The following BABAM2 variants were observed in gnomAD, a reference collection of about 807,000 sequenced individuals.
BABAM2 encodes BRISC and BRCA1-A complex member 2.
Under a neutral mutation model 54.7 loss-of-function variants are expected in BABAM2, and 31 were observed. That is an observed-to-expected ratio of 0.57 (90% confidence interval 0.43 to 0.77). BABAM2 has a LOEUF of 0.77. BABAM2 is among the 30% of genes least tolerant of loss of function. The pLI, the probability that BABAM2 is intolerant of heterozygous loss-of-function variation, is 0.00. For missense variants in BABAM2, 364 were observed against 455.8 expected (o/e 0.80, Z 1.83); for synonymous variants, 167 against 162.9 (o/e 1.03, Z -0.19).
chr2:28,085,025 C>T (rs748696166), intron 6 of BABAM2, among the ~76,000 whole-genome samples: 39 of 152,182 alleles, frequency 2.6e-4, no homozygotes, highest in South Asian at 1.0e-3. Flanking sequence ...TGAAGGGTAA[C>T]AGTACTAGAA....
At chr2:28,267,424 G>GAC (rs1050541833) in intron 10 of BABAM2, among the ~76,000 whole-genome samples, 26 of 146,686 alleles carry the variant, frequency 1.8e-4, no homozygotes, top group African/African-American at 4.4e-4. Flanking sequence ...ACACTGACTA[G>GAC]ACACACACAC....
chr2:28,092,848 G>T (rs1389379787), intron 6 of BABAM2, among the ~76,000 whole-genome samples: 1 of 151,140 alleles, frequency 6.6e-6, no homozygotes, highest in Non-Finnish European at 1.5e-5. Flanking sequence ...GCTCTTACAG[G>T]GTCAAGATCA....
intron 7 of BABAM2, among the ~76,000 whole-genome samples, chr2:28,232,797 G>C (rs1573895658): frequency 6.6e-6 from 1 of 152,350 alleles, no homozygotes; most frequent in East Asian, 1.9e-4. Flanking sequence ...CTGCATGAGA[G>C]ATGTGATAAT....
At chr2:28,052,310 CAG>C (rs1308840929) in intron 6 of BABAM2, among the ~76,000 whole-genome samples, 1 of 138,918 alleles carries the variant, frequency 7.2e-6, no homozygotes, top group Non-Finnish European at 1.5e-5. Context: ...TTCCAATAGA[CAG>C]AGTCTTGCTC....
At chr2:28,194,921 C>T (rs532018380) in intron 7 of BABAM2, among the ~76,000 whole-genome samples, 15 of 152,278 alleles carry the variant, frequency 9.9e-5, no homozygotes, top group African/African-American at 3.4e-4. Context: ...GTCTTGAATT[C>T]CTGGCATCAC....
At chr2:28,040,647 C>G (rs1263150282) in intron 5 of BABAM2, among the ~76,000 whole-genome samples, 5 of 152,138 alleles carry the variant, frequency 3.3e-5, no homozygotes, top group Non-Finnish European at 7.4e-5. Flanking sequence ...CCAGTGCTGT[C>G]AGAAACAAGT....
At position 28,338,564 on chromosome 2, in the gene BABAM2, G is replaced by A; in HGVS notation, c.*51G>A. On this transcript the variant is annotated 3_prime_UTR_variant, in exon 12 of 12. Transcript: ENST00000379624. The stretch of plus-strand genomic sequence containing the variant: ...AGCCAGACTGCCTGTCCACATGCGT[G>A]TCAGCACATACAGCCGCTTCCTGGA... 1.9e-6 allele frequency: 3 copies of A among 1,596,796 alleles called. No homozygotes were observed. Among genetic ancestry groups the A allele is most frequent in the Non-Finnish European group, 2.6e-6 (3 of 1,164,720 alleles).
chr2:28,180,705 A>G (rs1675528189), intron 7 of BABAM2, among the ~76,000 whole-genome samples: 1 of 152,156 alleles, frequency 6.6e-6, no homozygotes, highest in Admixed American at 6.5e-5. Context: ...GAAAACATTG[A>G]CAAACTATTC....
At chr2:28,196,722 G>T (rs1677596321) in intron 7 of BABAM2, among the ~76,000 whole-genome samples, 1 of 151,582 alleles carries the variant, frequency 6.6e-6, no homozygotes, top group South Asian at 2.1e-4. Flanking sequence ...GATGGCTTGT[G>T]CCTGTAGTCC....
chr2:28,183,760 C>T (rs1675919582), intron 7 of BABAM2, among the ~76,000 whole-genome samples: 1 of 152,048 alleles, frequency 6.6e-6, no homozygotes, highest in Non-Finnish European at 1.5e-5. Context: ...CACACACACA[C>T]ACACACACAC....
intron 7 of BABAM2, among the ~76,000 whole-genome samples, chr2:28,208,461 A>G (rs1203002839): frequency 8.5e-5 from 13 of 152,210 alleles, no homozygotes; most frequent in Admixed American, 7.2e-4. Context: ...ACCCAGCCTG[A>G]TGGGACTGCC....
rs1456502612 is a variant in BABAM2 at position 28,026,864 on chromosome 2, AT to A, written c.495+1445del. ...TATAAATATATATTTATATATATAG[AT>A]ATATATATTTATATATATATAGATA... On this transcript the variant is annotated intron_variant, in intron 5 of 11. Transcript: ENST00000379624. Among the ~76,000 whole-genome samples, 294 of 77,792 alleles carry A rather than the reference AT, an allele frequency of 3.8e-3. 18 individuals carry two copies. The East Asian group carries it at 0.063, about 17-fold the overall frequency. The allele number at this position is 77,792 out of a possible 152,430, so 51.0% of individuals were successfully genotyped here. A position where few individuals can be genotyped will look rare whatever the true frequency, so the allele number is the denominator to read the frequency against.
chr2:28,286,193 A>G (rs1185707064), intron 10 of BABAM2, among the ~76,000 whole-genome samples: 3 of 151,970 alleles, frequency 2.0e-5, no homozygotes, highest in African/African-American at 7.2e-5. Context: ...TGACCTCGTG[A>G]TCCACCCATC....
intron 6 of BABAM2, among the ~76,000 whole-genome samples, chr2:28,096,393 C>T (rs1251338623): frequency 2.7e-5 from 4 of 148,958 alleles, no homozygotes; most frequent in Non-Finnish European, 5.9e-5. Flanking sequence ...AAAAAAAAAC[C>T]ATATTAAGCT....
Position 28,025,372 on chromosome 2 carries a change from A to G in BABAM2, c.447A>G (p.Pro149=), listed in dbSNP as rs753597798. The G allele has an allele frequency of 1.1e-5, 18 of 1,607,206 alleles. No homozygotes were observed. Among genetic ancestry groups the G allele is most frequent in the Middle Eastern group, 1.7e-4 (1 of 6,046 alleles). ...AATACCAGACATTACTGGAGGAGCC[A>G]CAGTATGGAGAGAACATGGAAATTT... The part of the protein sequence containing the change: ...MFEYQTLLEE[P]QYGENMEIYA... Residue 149 remains proline, a synonymous_variant, in exon 5 of 12, where the codon CCA becomes CCG. Transcript: ENST00000379624.
chr2:27,913,762 A>G (rs1666772867), intron 2 of BABAM2, among the ~76,000 whole-genome samples: 1 of 152,182 alleles, frequency 6.6e-6, no homozygotes. Flanking sequence ...ATTTCTGTAC[A>G]TTTTAAAGAT....
At chr2:28,248,657 C>T (rs1416472143) in intron 10 of BABAM2, among the ~76,000 whole-genome samples, 1 of 152,162 alleles carries the variant, frequency 6.6e-6, no homozygotes, top group Non-Finnish European at 1.5e-5. Context: ...AAGGAGGCAG[C>T]TGTCTACAGG....
intron 2 of BABAM2, among the ~76,000 whole-genome samples, chr2:27,911,247 A>G (rs1239743743): frequency 6.6e-6 from 1 of 152,220 alleles, no homozygotes; most frequent in Admixed American, 6.5e-5. Context: ...GAATAGTGCC[A>G]TTTTGAATAG....
chr2:28,081,961 C>T (rs769175817), intron 6 of BABAM2, among the ~76,000 whole-genome samples: 2 of 152,078 alleles, frequency 1.3e-5, no homozygotes, highest in Non-Finnish European at 2.9e-5. Flanking sequence ...ATGTGCAATG[C>T]ATTTTGTGCT....
Sources: allele counts gnomAD v4.1 joint callset (sites outside exome capture counted in the v4.1 genomes callset), GRCh38; gene constraint gnomAD v4.1.1; transcripts MANE v1.5; gene names NCBI Gene and HGNC (gene_info 2026-07-23, HGNC 2026-07-21).